The following CCDC18 variants were observed in gnomAD, a reference collection of about 807,000 sequenced individuals.
CCDC18 encodes the protein coiled-coil domain containing 18.
Under a neutral mutation model 196.0 loss-of-function variants are expected in CCDC18, and 157 were observed. That is an observed-to-expected ratio of 0.80 (90% CI 0.70 to 0.91). The LOEUF (loss-of-function observed/expected upper bound fraction) is 0.91, where lower values mean the gene tolerates loss of function less well. Ranked by LOEUF, CCDC18 falls within the 40% of genes least tolerant of loss-of-function variation. The pLI, the probability that CCDC18 is intolerant of heterozygous loss-of-function variation, is 0.00. For synonymous variants in CCDC18, 482 were observed against 529.2 expected (o/e 0.91, Z 1.22); for missense variants, 1,465 against 1,611.6 (o/e 0.91, Z 1.56).
chr1:93,276,469 A>C (rs28472933), intron 28 of CCDC18, among the ~76,000 whole-genome samples: 1 of 152,240 alleles, frequency 6.6e-6, no homozygotes, highest in African/African-American at 2.4e-5. Context: ...ACCATTTATT[A>C]GGAATTTATA....
intron 21 of CCDC18, among the ~76,000 whole-genome samples, chr1:93,240,300 G>C (rs1207649702): frequency 3.9e-5 from 6 of 152,154 alleles, no homozygotes; most frequent in Admixed American, 3.3e-4. Flanking sequence ...CTTTTTAATA[G>C]TTGAGAAACC....
Position 93,186,476 on chromosome 1 carries a change from C to G in CCDC18, c.435C>G (p.His145Gln), listed in dbSNP as rs1385724025. ...HSLMTKFESI[H>Q]FELTQSRAKV... ...TAATGACTAAATTTGAATCTATTCA[C>G]TTTGAATTAACACAGTCAAGAGCAA... Residue 145 changes from histidine to glutamine, a missense_variant, in exon 4 of 29, where the codon CAC becomes CAG. Transcript: ENST00000690025. The G allele has an allele frequency of 6.2e-7, 1 of 1,609,492 alleles. No individual in the cohort carries two copies. The highest frequency in any genetic ancestry group is 8.5e-7 in the Non-Finnish European group (1 of 1,177,792).
At chr1:93,187,945 A>T (rs1008505300) in intron 4 of CCDC18, among the ~76,000 whole-genome samples, 2 of 152,114 alleles carry the variant, frequency 1.3e-5, no homozygotes, top group African/African-American at 4.8e-5. Flanking sequence ...GCTTATTTTT[A>T]AAATTTTTCT....
At chr1:93,264,954 G>A in intron 27 of CCDC18, 53 bp downstream of exon 27, 2 of 1,288,754 alleles carry the variant, frequency 1.6e-6, no homozygotes, top group Non-Finnish European at 2.2e-6. Context: ...ATAAATGTCT[G>A]ACTTATTTAC....
intron 17 of CCDC18, among the ~76,000 whole-genome samples, chr1:93,227,174 CTTT>C (rs36053002): frequency 3.2e-4 from 33 of 103,686 alleles, no homozygotes; most frequent in African/African-American, 1.2e-3. Context: ...CATTGGAAAC[CTTT>C]TTTTTTTTTT....
At chr1:93,234,814 A>T (rs1659792348) in intron 18 of CCDC18, among the ~76,000 whole-genome samples, 2 of 114,676 alleles carry the variant, frequency 1.7e-5, no homozygotes, top group Admixed American at 1.6e-4. Context: ...ACCGGGTCTT[A>T]CTTTGTCACC....
At chr1:93,258,076 TTAAA>T (rs1416797459) in intron 25 of CCDC18, among the ~76,000 whole-genome samples, 2 of 149,998 alleles carry the variant, frequency 1.3e-5, no homozygotes, top group African/African-American at 4.9e-5. Context: ...ATTAAAATAA[TTAAA>T]TTAATTAAAA....
chr1:93,257,382 A>G (rs1663155903), intron 25 of CCDC18, among the ~76,000 whole-genome samples: 1 of 151,988 alleles, frequency 6.6e-6, no homozygotes, highest in Non-Finnish European at 1.5e-5. Context: ...AAATACTAAT[A>G]TAAATTTTAT....
intron 6 of CCDC18, among the ~76,000 whole-genome samples, chr1:93,194,350 T>G (rs1471392128): frequency 6.6e-6 from 1 of 152,190 alleles, no homozygotes; most frequent in Non-Finnish European, 1.5e-5. Flanking sequence ...ACTAATAAGA[T>G]TTTATAATAA....
chr1:93,218,081 T>C (rs1198921010), intron 14 of CCDC18, among the ~76,000 whole-genome samples: 1 of 152,198 alleles, frequency 6.6e-6, no homozygotes, highest in African/African-American at 2.4e-5. Flanking sequence ...ATTTTTGACA[T>C]TATTAAAGTA....
chr1:93,259,864 T>C (rs934804315), intron 26 of CCDC18, among the ~76,000 whole-genome samples: 7 of 152,238 alleles, frequency 4.6e-5, no homozygotes, highest in African/African-American at 1.2e-4. Context: ...CATTACACTT[T>C]CATTATATGG....
rs111512936 is a variant in CCDC18 at position 93,181,625 on chromosome 1, T to C, written c.-3+773T>C. On this transcript the variant is annotated intron_variant, in intron 1 of 28. Transcript: ENST00000690025. ...GCAGAAGAGTTAGGGAGTTCTTTCT[T>C]TTTTTTTTGAGACCGAGTCTCACTC... Among the ~76,000 whole-genome samples the C allele has an allele frequency of 8.4e-3, 1,271 of 151,266 alleles. 25 individuals carry two copies. Among genetic ancestry groups the C allele is most frequent in the African/African-American group, 0.029 (1,214 of 41,338 alleles).
chr1:93,188,615 A>G (rs899306241), intron 4 of CCDC18, among the ~76,000 whole-genome samples: 3 of 152,108 alleles, frequency 2.0e-5, no homozygotes, highest in Non-Finnish European at 4.4e-5. Flanking sequence ...GCCATTGTGA[A>G]TTACTTTTTA....
At position 93,270,567 on chromosome 1, in the gene CCDC18, A is replaced by T. The variant is rs1265953881; in HGVS notation, c.4106A>T (p.Asp1369Val). ...DLTFKIHGDE[D>V]LSEELLQDLK... ...ACTTTCAAAATTCATGGTGATGAAG[A>T]TCTTTCTGAAGAATTACTACAGGAC... The change falls in exon 28 of 29, where the codon GAT becomes GTT. Residue 1369 changes from aspartate to valine, a missense_variant. Physicochemically the swap from Asp to Val is radical, Grantham distance 152 (BLOSUM62 -3). Transcript: ENST00000690025. 10 of 1,550,338 alleles carry T rather than the reference A, an allele frequency of 6.5e-6. No homozygotes were observed. Among genetic ancestry groups the T allele is most frequent in the Non-Finnish European group, 6.1e-6 (7 of 1,146,914 alleles).
At chr1:93,224,539 C>CA (rs1440600998) in intron 16 of CCDC18, among the ~76,000 whole-genome samples, 1 of 152,170 alleles carries the variant, frequency 6.6e-6, no homozygotes, top group Non-Finnish European at 1.5e-5. Flanking sequence ...TAGCCATGCC[C>CA]CAGACCTGAT....
intron 4 of CCDC18, among the ~76,000 whole-genome samples, chr1:93,189,904 C>T (rs1344507225): frequency 2.0e-5 from 3 of 152,124 alleles, no homozygotes; most frequent in East Asian, 1.9e-4. Flanking sequence ...TGGACTCAAG[C>T]GATCCACCCA....
chr1:93,250,395 A>G (rs1482370488), intron 23 of CCDC18, among the ~76,000 whole-genome samples: 1 of 151,662 alleles, frequency 6.6e-6, no homozygotes, highest in African/African-American at 2.4e-5. Flanking sequence ...AAAAAAAAAA[A>G]AAGAAAAGAG....
intron 23 of CCDC18, among the ~76,000 whole-genome samples, chr1:93,249,466 T>C (rs1267568673): frequency 6.6e-6 from 1 of 152,236 alleles, no homozygotes; most frequent in Non-Finnish European, 1.5e-5. Context: ...ATTTTTGCTC[T>C]GATCTTTATT....
At chr1:93,260,098 C>T (rs372536262) in intron 26 of CCDC18, among the ~76,000 whole-genome samples, 204 of 152,270 alleles carry the variant, frequency 1.3e-3, no homozygotes, top group Non-Finnish European at 2.3e-3. Context: ...TAAAAGCACA[C>T]GCCAGCCGGG....
Sources: allele counts gnomAD v4.1 joint callset (sites outside exome capture counted in the v4.1 genomes callset), GRCh38; gene constraint gnomAD v4.1.1; transcripts MANE v1.5; gene names NCBI Gene and HGNC (gene_info 2026-07-23, HGNC 2026-07-21).